Variants in IFT88 observed in about 807,000 individuals in gnomAD.
The protein encoded by IFT88 is intraflagellar transport protein 88 homolog.
In IFT88, 74 loss-of-function variants were observed where a neutral mutation model predicts 119.5. The observed-to-expected ratio is 0.62, with a 90% confidence interval of 0.51 to 0.75. The LOEUF is 0.75. Ranked by LOEUF, IFT88 falls within the 30% of genes least tolerant of loss-of-function variation. The pLI, the probability that IFT88 is intolerant of heterozygous loss-of-function variation, is 0.00. For synonymous variants in IFT88, 279 were observed against 316.7 expected (o/e 0.88, Z 1.26); for missense variants, 961 against 977.7 (o/e 0.98, Z 0.23).
chr13:20,647,347 A>G (rs1453746708), intron 20 of IFT88, among the ~76,000 whole-genome samples: 2 of 152,204 alleles, frequency 1.3e-5, no homozygotes, highest in Non-Finnish European at 2.9e-5. Flanking sequence ...TACCTCTACA[A>G]TAAAAATGTA....
At chr13:20,597,605 G>T (rs933656009) in intron 9 of IFT88, among the ~76,000 whole-genome samples, 1 of 151,936 alleles carries the variant, frequency 6.6e-6, no homozygotes, top group African/African-American at 2.4e-5. Context: ...TTAGCCGGGT[G>T]TGGTGGCGGG....
intron 15 of IFT88, among the ~76,000 whole-genome samples, chr13:20,627,986 T>C: frequency 6.6e-6 from 1 of 152,184 alleles, no homozygotes; most frequent in Admixed American, 6.5e-5. Context: ...CATTGCTGCT[T>C]TCACTCTGTC....
At chr13:20,666,225 G>A (rs1213407536) in intron 23 of IFT88, among the ~76,000 whole-genome samples, 1 of 152,224 alleles carries the variant, frequency 6.6e-6, no homozygotes, top group Admixed American at 6.5e-5. Flanking sequence ...GCTGTAAAAT[G>A]AGGATAGCGT....
intron 13 of IFT88, among the ~76,000 whole-genome samples, chr13:20,607,069 G>A (rs771403963): frequency 5.3e-5 from 8 of 152,100 alleles, no homozygotes; most frequent in South Asian, 2.1e-4. Flanking sequence ...GGATGGCGGC[G>A]GCTACAGTGG....
intron 24 of IFT88, among the ~76,000 whole-genome samples, chr13:20,674,400 A>G (rs2056351524): frequency 1.3e-5 from 2 of 152,164 alleles, no homozygotes; most frequent in African/African-American, 4.8e-5. Flanking sequence ...TCCTTCTTAG[A>G]TGGCATTTTC....
chr13:20,642,785 T>C (rs1165653019), intron 18 of IFT88: 1 of 152,150 alleles, frequency 6.6e-6, no homozygotes, highest in African/African-American at 2.4e-5. Flanking sequence ...ATTTTCTTTT[T>C]TTTTTTTCTT....
chr13:20,597,426 A>C (rs2138947524), intron 9 of IFT88, among the ~76,000 whole-genome samples: 1 of 152,288 alleles, frequency 6.6e-6, no homozygotes, highest in South Asian at 2.1e-4. Flanking sequence ...CCTGGGCAAC[A>C]TAGTGAGACC....
chr13:20,576,833 C>CTT (rs1004254179), intron 2 of IFT88, among the ~76,000 whole-genome samples: 3 of 152,108 alleles, frequency 2.0e-5, no homozygotes, highest in Non-Finnish European at 4.4e-5. Context: ...CTCAGGACAG[C>CTT]TTTGGCTATT....
chr13:20,582,860 G>A (rs9509289), intron 2 of IFT88, 97 bp from the exon 3 acceptor site: 712,977 of 873,062 alleles, frequency 0.82, 293,325 homozygotes, highest in East Asian at 1. Context: ...CAATAGATGA[G>A]TTATAGAGGC....
intron 14 of IFT88, among the ~76,000 whole-genome samples, chr13:20,622,942 T>C (rs1307195726): frequency 6.6e-6 from 1 of 152,188 alleles, no homozygotes; most frequent in Non-Finnish European, 1.5e-5. Context: ...CTTCTAACAG[T>C]TTTTTTAGTT....
intron 15 of IFT88, among the ~76,000 whole-genome samples, chr13:20,628,211 T>C (rs9552253): frequency 0.23 from 35,641 of 151,946 alleles, 5,525 homozygotes; most frequent in East Asian, 0.7. Flanking sequence ...TTTTTTTTTT[T>C]CCAAGAAAAA....
At chr13:20,690,091 A>G (rs542732404) in intron 24 of IFT88, among the ~76,000 whole-genome samples, 2 of 152,322 alleles carry the variant, frequency 1.3e-5, no homozygotes, top group East Asian at 3.8e-4. Flanking sequence ...ATTTATTCCC[A>G]GAGACATTAT....
Position 20,690,741 on chromosome 13 carries a change from A to G in IFT88, c.2279A>G (p.Glu760Gly), listed in dbSNP as rs746017151. 4 of 1,613,820 alleles carry G rather than the reference A, an allele frequency of 2.5e-6. No homozygotes were observed. Among genetic ancestry groups the G allele is most frequent in the Non-Finnish European group, 3.4e-6 (4 of 1,179,726 alleles). Residue 760 changes from glutamate to glycine, a missense_variant, in exon 25 of 26, where the codon GAA (glutamate) becomes GGA (glycine). By Grantham distance (98) the Glu-to-Gly change is moderately conservative. Transcript: ENST00000351808. ...AACTATAGTGCCAGTAGTAAAGGTG[A>G]ACGACTAAGTGCCAGACTCAGAGCT... ...GQNYSASSKG[E>G]RLSARLRALP...
intron 1 of IFT88, among the ~76,000 whole-genome samples, chr13:20,570,397 T>TA (rs1476944797): frequency 6.6e-6 from 1 of 152,208 alleles, no homozygotes; most frequent in African/African-American, 2.4e-5. Context: ...ATTGGACCTA[T>TA]ATATGCATGC....
intron 24 of IFT88, among the ~76,000 whole-genome samples, chr13:20,685,923 G>A (rs1031846474): frequency 2.0e-5 from 3 of 152,154 alleles, no homozygotes; most frequent in African/African-American, 7.2e-5. Flanking sequence ...CCTTTGATAG[G>A]AACTTACTTT....
At chr13:20,641,052 T>C (rs1177338153) in intron 17 of IFT88, among the ~76,000 whole-genome samples, 1 of 152,046 alleles carries the variant, frequency 6.6e-6, no homozygotes, top group Non-Finnish European at 1.5e-5. Context: ...GAGGCTGAGG[T>C]GGGAGAATCA....
chr13:20,624,038 C>G (rs1439297210), intron 14 of IFT88, among the ~76,000 whole-genome samples: 1 of 151,968 alleles, frequency 6.6e-6, no homozygotes, highest in Non-Finnish European at 1.5e-5. Context: ...TTATCTTTTC[C>G]TTTTTTGATT....
chr13:20,615,814 T>C lies in IFT88; in HGVS notation c.1134T>C (p.Tyr378=), dbSNP rs140223976. The change falls in exon 14 of 26, where the codon TAT becomes TAC. Residue 378 remains tyrosine, a synonymous_variant. Transcript: ENST00000351808. The part of the protein sequence containing the change: ...ERERKAMAEK[Y]IMTSAKLIAP... ...ATAGGAAAGCCATGGCAGAAAAATA[T>C]ATTATGACATCTGCAAAACTCATTG... 2.3e-3 allele frequency: 3,763 copies of C among 1,601,994 alleles called. 8 individuals carry two copies. The highest frequency in any genetic ancestry group is 2.6e-3 in the Non-Finnish European group (3,085 of 1,174,470).
In IFT88 at chr13:20,691,236, A is replaced by G; in HGVS notation, c.*61A>G. On this transcript the variant is annotated 3_prime_UTR_variant, in exon 26 of 26. Coordinates refer to ENST00000351808, the MANE Select transcript of IFT88 (RefSeq NM_006531.5). ...CCTTATGAGATCATCCTCATGTTAA[A>G]CCTTGGATTAAATATCTAACCTGTA... 9.7e-6 allele frequency: 14 copies of G among 1,446,360 alleles called. No homozygotes were observed. The highest frequency in any genetic ancestry group is 1.4e-5 in the African/African-American group (1 of 70,140). The allele number at this position is 1,446,360 out of a possible 1,614,324, so 89.6% of individuals were successfully genotyped here.
Sources: allele counts gnomAD v4.1 joint callset (sites outside exome capture counted in the v4.1 genomes callset), GRCh38; gene constraint gnomAD v4.1.1; transcripts MANE v1.5; gene names NCBI Gene and HGNC (gene_info 2026-07-23, HGNC 2026-07-21).